The following ASAP1 variants were observed in gnomAD, a reference collection of about 807,000 sequenced individuals.
The protein encoded by ASAP1 is arf-GAP with SH3 domain, ANK repeat and PH domain-containing protein 1.
ASAP1 carries 43 observed loss-of-function variants against 145.2 expected under a neutral mutation model. The ratio of observed to expected loss-of-function variants is 0.30; its 90% CI spans 0.23 to 0.38. ASAP1 has a LOEUF of 0.38. Among genes scored for constraint, ASAP1 ranks in the 10% least tolerant of loss-of-function variants. The pLI is 1.00. For synonymous variants in ASAP1, 546 were observed against 515.5 expected, an observed-to-expected ratio of 1.06 and a Z score of -0.80; for missense variants, 1,018 against 1,355.3, an observed-to-expected ratio of 0.75 and a Z score of 3.91.
At chr8:130,329,453 T>C (rs1049178967) in intron 3 of ASAP1, among the ~76,000 whole-genome samples, 6 of 152,156 alleles carry the variant, frequency 3.9e-5, no homozygotes, top group African/African-American at 1.4e-4. Context: ...ATTTATTCAT[T>C]CCATTTCCCA....
intron 3 of ASAP1, among the ~76,000 whole-genome samples, chr8:130,313,486 T>C (rs1823479931): frequency 6.6e-6 from 1 of 152,144 alleles, no homozygotes; most frequent in Non-Finnish European, 1.5e-5. Context: ...AATGCCTTCA[T>C]GCAAATTTAC....
chr8:130,140,821 A>T (rs7006336), intron 13 of ASAP1, among the ~76,000 whole-genome samples: 1 of 152,264 alleles, frequency 6.6e-6, no homozygotes, highest in South Asian at 2.1e-4. Flanking sequence ...CCAAGTACGC[A>T]TAAGTTTTGA....
intron 3 of ASAP1, among the ~76,000 whole-genome samples, chr8:130,300,148 ACACACAG>A (rs1822551136): frequency 8.5e-6 from 1 of 117,014 alleles, no homozygotes; most frequent in Non-Finnish European, 1.8e-5. Context: ...ACACACACAC[ACACACAG>A]AGAGAGAGAG....
At chr8:130,307,909 T>C (rs1823092328) in intron 3 of ASAP1, among the ~76,000 whole-genome samples, 1 of 152,238 alleles carries the variant, frequency 6.6e-6, no homozygotes, top group South Asian at 2.1e-4. Context: ...TTTTTAACTT[T>C]AGTGTTAAAA....
At chr8:130,130,017 T>C (rs2135755484) in intron 15 of ASAP1, among the ~76,000 whole-genome samples, 1 of 152,370 alleles carries the variant, frequency 6.6e-6, no homozygotes, top group South Asian at 2.1e-4. Context: ...CTGATGTTAC[T>C]GGATTTTTCA....
At chr8:130,231,920 C>T (rs1051432247) in intron 4 of ASAP1, among the ~76,000 whole-genome samples, 9 of 152,174 alleles carry the variant, frequency 5.9e-5, no homozygotes, top group African/African-American at 2.2e-4. Context: ...CTGTACTGAC[C>T]CAGGGTCTCT....
intron 27 of ASAP1, among the ~76,000 whole-genome samples, chr8:130,074,235 C>G (rs142993377): frequency 6.6e-6 from 1 of 151,608 alleles, no homozygotes; most frequent in African/African-American, 2.4e-5. Context: ...AATAGAATTG[C>G]GTATGTATGA....
intron 1 of ASAP1, among the ~76,000 whole-genome samples, chr8:130,435,588 C>G (rs1203499796): frequency 6.6e-6 from 1 of 152,178 alleles, no homozygotes; most frequent in Non-Finnish European, 1.5e-5. Flanking sequence ...TATAAATGTT[C>G]TTTCTTTTCC....
At chr8:130,296,213 C>G (rs1286364766) in intron 3 of ASAP1, among the ~76,000 whole-genome samples, 3 of 152,212 alleles carry the variant, frequency 2.0e-5, no homozygotes, top group Non-Finnish European at 4.4e-5. Flanking sequence ...AAGGACAAGA[C>G]AGTCCCCACT....
At chr8:130,395,784 A>T (rs1828501515) in intron 2 of ASAP1, among the ~76,000 whole-genome samples, 1 of 151,590 alleles carries the variant, frequency 6.6e-6, no homozygotes, top group African/African-American at 2.4e-5. Context: ...CTCCTGCCTC[A>T]GCCTCCCGAG....
intron 1 of ASAP1, among the ~76,000 whole-genome samples, chr8:130,431,216 G>T (rs1422322844): frequency 2.6e-5 from 4 of 152,086 alleles, no homozygotes; most frequent in Admixed American, 2.6e-4. Context: ...CATCAGAGCT[G>T]GCCTTCCTGC....
chr8:130,191,063 T>C (rs971118893), intron 5 of ASAP1, among the ~76,000 whole-genome samples: 3 of 151,560 alleles, frequency 2.0e-5, no homozygotes, highest in African/African-American at 7.3e-5. Context: ...TTTTTTTTTT[T>C]TCCACTGCTC....
chr8:130,096,373 C>T (rs1419419380), intron 24 of ASAP1, among the ~76,000 whole-genome samples: 1 of 151,946 alleles, frequency 6.6e-6, no homozygotes, highest in African/African-American at 2.4e-5. Context: ...GCATCAAACG[C>T]AACACAAAAA....
chr8:130,242,845 T>C (rs903707844), intron 3 of ASAP1, among the ~76,000 whole-genome samples: 2 of 152,106 alleles, frequency 1.3e-5, no homozygotes, highest in African/African-American at 4.8e-5. Flanking sequence ...GGGAAAGATA[T>C]AGGCAAACCA....
intron 7 of ASAP1, among the ~76,000 whole-genome samples, 160 bp from the exon 8 acceptor site, chr8:130,181,040 A>T (rs1011067599): frequency 4.3e-5 from 6 of 140,218 alleles, no homozygotes; most frequent in Admixed American, 3.6e-4. Context: ...GTCAGTGATA[A>T]CGGGGGAGGC....
intron 15 of ASAP1, among the ~76,000 whole-genome samples, chr8:130,129,357 A>G (rs560525855): frequency 6.6e-6 from 1 of 152,362 alleles, no homozygotes; most frequent in African/African-American, 2.4e-5. Flanking sequence ...ATACGTCAAT[A>G]GTGGTTGTCT....
intron 8 of ASAP1, 124 bp downstream of exon 8, chr8:130,180,627 T>G: frequency 8.2e-7 from 1 of 1,213,278 alleles, no homozygotes; most frequent in Non-Finnish European, 1.1e-6. Context: ...TTAGAATCCT[T>G]AAGAAACAGT....
intron 3 of ASAP1, among the ~76,000 whole-genome samples, chr8:130,267,425 G>C (rs1191099883): frequency 6.6e-6 from 1 of 152,192 alleles, no homozygotes; most frequent in Non-Finnish European, 1.5e-5. Flanking sequence ...AAGCTCTTTA[G>C]ATGAAGAATC....
intron 1 of ASAP1, among the ~76,000 whole-genome samples, chr8:130,405,700 T>C (rs929883100): frequency 6.6e-6 from 1 of 152,242 alleles, no homozygotes; most frequent in Non-Finnish European, 1.5e-5. Context: ...TGTGACACCA[T>C]AGTCAGTTCA....
Sources: gnomAD v4.1 joint callset for allele counts (sites outside exome capture counted in the v4.1 genomes callset) on GRCh38, gnomAD v4.1.1 for gene constraint, MANE v1.5 for transcripts, NCBI Gene and HGNC (gene_info 2026-07-23, HGNC 2026-07-21) for gene names.